The following CLIP4 variants were observed in gnomAD, a reference collection of about 807,000 sequenced individuals.
CLIP4 encodes the protein CAP-Gly domain containing linker protein family member 4.
CLIP4 carries 47 observed loss-of-function variants against 73.1 expected under a neutral mutation model. That is an observed-to-expected ratio of 0.64 (90% CI 0.51 to 0.82). The LOEUF (loss-of-function observed/expected upper bound fraction) is 0.82, where lower values mean the gene tolerates loss of function less well. Ranked by LOEUF, CLIP4 falls within the 40% of genes least tolerant of loss-of-function variation. CLIP4 has a pLI of 0.00. For missense variants in CLIP4, 874 were observed against 852.9 expected, an observed-to-expected ratio of 1.02 and a Z score of -0.31; for synonymous variants, 306 against 295.4, an observed-to-expected ratio of 1.04 and a Z score of -0.37.
intron 2 of CLIP4, among the ~76,000 whole-genome samples, chr2:29,126,563 T>C (rs879256536): frequency 6.6e-6 from 1 of 152,236 alleles, no homozygotes; most frequent in Non-Finnish European, 1.5e-5. Flanking sequence ...GTCTAACTTA[T>C]TGTTATTTAA....
chr2:29,114,713 T>C (rs1668479252), upstream of CLIP4, among the ~76,000 whole-genome samples: 1 of 152,220 alleles, frequency 6.6e-6, no homozygotes, highest in African/African-American at 2.4e-5. Context: ...TCAACATCTG[T>C]TCCTGCCAGG....
At chr2:29,160,949 A>G (rs1277693763) in intron 12 of CLIP4, among the ~76,000 whole-genome samples, 1 of 152,118 alleles carries the variant, frequency 6.6e-6, no homozygotes, top group Non-Finnish European at 1.5e-5. Flanking sequence ...TCTATACGTA[A>G]CATTGTTTCC....
intron 12 of CLIP4, among the ~76,000 whole-genome samples, chr2:29,160,980 A>ATT (rs559857371): frequency 6.8e-6 from 1 of 148,148 alleles, no homozygotes; most frequent in Admixed American, 6.8e-5. Flanking sequence ...ATTACTTTCT[A>ATT]TTTTTTTTTT....
chr2:29,103,852 T>C (rs1240161827), intron 1 of CLIP4, among the ~76,000 whole-genome samples: 1 of 152,098 alleles, frequency 6.6e-6, no homozygotes, highest in African/African-American at 2.4e-5. Flanking sequence ...TAGCTGAGAT[T>C]ACAGGTGCCC....
rs541361926 is a variant in CLIP4 at position 29,158,517 on chromosome 2, GGA to G, written c.1399+1173_1399+1174del. Among the ~76,000 whole-genome samples, 607 of 152,260 alleles carry G rather than the reference GGA, an allele frequency of 4.0e-3. 6 individuals carry two copies. Among genetic ancestry groups the G allele is most frequent in the African/African-American group, 0.014 (562 of 41,556 alleles). On this transcript the variant is annotated intron_variant, in intron 11 of 15. Transcript: ENST00000320081. ...GTGAGAAAGAGGACCTTTCAAAGAG[GGA>G]GATGGGCCGAGAATGGGAGATATGG...
In CLIP4 at chr2:29,143,942, G is replaced by A. The variant is rs774471427; in HGVS notation, c.882G>A (p.Gln294=). The A allele has an allele frequency of 6.2e-7, 1 of 1,613,672 alleles. No individual in the cohort carries two copies. The highest frequency in any genetic ancestry group is 1.1e-5 in the South Asian group (1 of 91,076). Residue 294 remains glutamine (Q), a synonymous_variant, in exon 7 of 16, where the codon CAG becomes CAA. Transcript: ENST00000320081. ...GGGATCGTGTTGTTATTGCAGGACA[G>A]AAGGTACAGTAAGTAACTGCAATCT... The part of the protein sequence containing the change: ...KLGDRVVIAG[Q]KVGTLRFCGT...
chr2:29,110,382 G>A (rs1668355278), intron 1 of CLIP4, among the ~76,000 whole-genome samples: 1 of 152,152 alleles, frequency 6.6e-6, no homozygotes, highest in South Asian at 2.1e-4. Flanking sequence ...GGATTTCTAT[G>A]GTATGTGAAT....
rs760697191 is a variant in CLIP4 at position 29,181,592 on chromosome 2, G to T, written c.1817G>T (p.Arg606Leu). ...CACAGATCGAAAGCTGCTTTGCGTC[G>T]CAGTTGGAGCAGCACCCCCACCGCA... Reference protein sequence around the residue: ...AFSKSKAALRRSWSSTPTAGG... With the variant: ...AFSKSKAALRLSWSSTPTAGG... The change falls in exon 16 of 16, where the codon CGC becomes CTC. Residue 606 changes from arginine (R) to leucine (L), a missense_variant. Coordinates refer to ENST00000320081, the MANE Select transcript of CLIP4 (RefSeq NM_024692.6). 6.2e-6 allele frequency: 10 copies of T among 1,607,722 alleles called. No homozygotes were observed. The East Asian group carries it at 1.8e-4, about 29-fold the overall frequency.
rs920570949 is a variant in CLIP4 at position 29,182,019 on chromosome 2, T to G, written c.*126T>G. 3 of 745,306 alleles carry G rather than the reference T, an allele frequency of 4.0e-6. No individual in the cohort carries two copies. In the Admixed American group the frequency reaches 9.6e-5, roughly 24 times the overall value. The allele number at this position is 745,306 out of a possible 1,614,324, so 46.2% of individuals were successfully genotyped here. ...ATATAGTTATCTTCTTAAAAACCAT[T>G]ATAACAATTCAGAGAGAGTTCTTTA... On this transcript the variant is annotated 3_prime_UTR_variant, in exon 16 of 16. Transcript: ENST00000320081.
At chr2:29,167,422 C>G in intron 13 of CLIP4, 54 bp from the exon 14 acceptor site, 1 of 1,349,456 alleles carries the variant, frequency 7.4e-7, no homozygotes, top group Non-Finnish European at 1.0e-6. Flanking sequence ...GATAACCAGT[C>G]TTAAACCTGA....
chr2:29,117,344 GT>G (rs34002777), intron 1 of CLIP4, among the ~76,000 whole-genome samples: 26,996 of 141,562 alleles, frequency 0.19, 2,285 homozygotes, highest in Middle Eastern at 0.29. Flanking sequence ...TTTTGTTTTT[GT>G]TTTTTTTTTT....
intron 1 of CLIP4, among the ~76,000 whole-genome samples, chr2:29,110,104 AG>A (rs1668346646): frequency 6.6e-6 from 1 of 152,166 alleles, no homozygotes; most frequent in South Asian, 2.1e-4. Context: ...AAACTAAACT[AG>A]ATCAACTGAA....
chr2:29,148,530 T>C (rs974676541), intron 8 of CLIP4, among the ~76,000 whole-genome samples: 2 of 152,240 alleles, frequency 1.3e-5, no homozygotes, highest in Admixed American at 6.5e-5. Context: ...TCAAGTCAGA[T>C]TGTACGGCAA....
Position 29,156,399 on chromosome 2 carries a change from C to T in CLIP4, c.1211C>T (p.Ser404Leu). The T allele has an allele frequency of 6.3e-7, 1 of 1,589,604 alleles. No individual in the cohort carries two copies. Among genetic ancestry groups the T allele is most frequent in the South Asian group, 1.2e-5 (1 of 85,748 alleles). ...GATAGTGCTTCTGAGTCAACACTTTCATTGCCTCCTGGTGAAGAACTTAAA... is the reference window on the plus strand; with the variant it reads ...GATAGTGCTTCTGAGTCAACACTTTTATTGCCTCCTGGTGAAGAACTTAAA... ...KKDSASESTL[S>L]LPPGEELKTV... Residue 404 changes from serine (S) to leucine (L), a missense_variant, in exon 10 of 16, where the codon TCA (serine) becomes TTA (leucine). By Grantham distance (145) the Ser-to-Leu change is moderately radical (BLOSUM62 -2). Transcript: ENST00000320081.
rs1481997460 is a variant in CLIP4 at position 29,132,190 on chromosome 2, A to G, written c.312A>G (p.Gly104=). 1 of 1,613,870 alleles carries G rather than the reference A, an allele frequency of 6.2e-7. No individual in the cohort carries two copies. Among genetic ancestry groups the G allele is most frequent in the East Asian group, 2.2e-5 (1 of 44,854 alleles). The change falls in exon 4 of 16, where the codon GGA becomes GGG. Residue 104 remains glycine, a synonymous_variant. Coordinates refer to ENST00000320081, the MANE Select transcript of CLIP4 (RefSeq NM_024692.6). ...GTTGCAATGTGAATGATAGAGATGG[A>G]TTGACAGATATGACTCTTTTACATT... ...KRGCNVNDRD[G]LTDMTLLHYT... is the part of the protein sequence containing the mutation.
At chr2:29,118,227 C>T (rs1664003551) in intron 1 of CLIP4, 1 of 152,228 alleles carries the variant, frequency 6.6e-6, no homozygotes, top group South Asian at 2.1e-4. Context: ...AATCTGAAGT[C>T]TCCTGGCTTC....
At chr2:29,164,041 T>C in intron 13 of CLIP4, 87 bp downstream of exon 13, 2 of 1,105,948 alleles carry the variant, frequency 1.8e-6, no homozygotes, top group Non-Finnish European at 1.3e-6. Flanking sequence ...ATTAAAGATA[T>C]GCTCTGATTG....
At chr2:29,119,394 T>A (rs868739529) in intron 1 of CLIP4, among the ~76,000 whole-genome samples, 29 of 151,798 alleles carry the variant, frequency 1.9e-4, no homozygotes, top group South Asian at 1.0e-3. Context: ...CACTTAAAAT[T>A]TTTTTTTTTG....
At chr2:29,123,921 T>C (rs1469812675) in intron 2 of CLIP4, among the ~76,000 whole-genome samples, 1 of 152,236 alleles carries the variant, frequency 6.6e-6, no homozygotes, top group Non-Finnish European at 1.5e-5. Context: ...TTTTGGAATC[T>C]TTTGCTTTGA....
Sources: allele counts gnomAD v4.1 joint callset (sites outside exome capture counted in the v4.1 genomes callset), GRCh38; gene constraint gnomAD v4.1.1; transcripts MANE v1.5; gene names NCBI Gene and HGNC (gene_info 2026-07-23, HGNC 2026-07-21).